Variants in BRWD1 observed in about 807,000 individuals in gnomAD.
BRWD1 encodes bromodomain and WD repeat domain containing 1, also known as bromodomain and WD repeat-containing protein 1.
A neutral mutation model predicts 251.2 loss-of-function variants in BRWD1; 82 were observed. That is an observed-to-expected ratio of 0.33 (90% confidence interval 0.27 to 0.39). The LOEUF is 0.39. Among genes scored for constraint, BRWD1 ranks in the 10% least tolerant of loss-of-function variants. The pLI is 1.00. For synonymous variants in BRWD1, 918 were observed against 902.8 expected (o/e 1.02, Z -0.30); for missense variants, 2,233 against 2,711.6 (o/e 0.82, Z 3.92).
Position 39,187,227 on chromosome 21 carries a change from T to C in BRWD1, c.*9032A>G, listed in dbSNP as rs771496999. The stretch of plus-strand genomic sequence containing the variant: ...TCTTCCTAATCCAGACATTTTCTGG[T>C]CCTGAGATCGTTTCTTTTAGATTAC... On this transcript the variant is annotated 3_prime_UTR_variant, in exon 41 of 41. Coordinates refer to ENST00000342449, the MANE Select transcript of BRWD1 (RefSeq NM_033656.4). 6.2e-7 allele frequency: 1 copy of C among 1,613,646 alleles called. No individual in the cohort carries two copies. Among genetic ancestry groups the C allele is most frequent in the South Asian group, 1.1e-5 (1 of 90,900 alleles).
Position 39,225,201 on chromosome 21 carries a change from G to C in BRWD1, c.3209-4C>G. 1 of 1,590,936 alleles carries C rather than the reference G, an allele frequency of 6.3e-7. No homozygotes were observed. Among genetic ancestry groups the C allele is most frequent in the African/African-American group, 1.3e-5 (1 of 74,478 alleles). On this transcript the variant is annotated splice_region_variant and splice_polypyrimidine_tract_variant and intron_variant, in intron 27 of 40. Coordinates refer to ENST00000342449, the MANE Select transcript of BRWD1 (RefSeq NM_033656.4). ...ATAATAGAGCGGAATCTGTCACCTA[G>C]GAGAGAAATGATCAAGTCTGAGGCA...
intron 7 of BRWD1, 56 bp downstream of exon 7, chr21:39,295,687 G>C (rs1047070898): frequency 7.6e-7 from 1 of 1,318,416 alleles, no homozygotes; most frequent in Non-Finnish European, 1.0e-6. Flanking sequence ...AGATGATTCT[G>C]AAGCACACTA....
intron 4 of BRWD1, among the ~76,000 whole-genome samples, chr21:39,300,698 G>A (rs2036086298): frequency 6.6e-6 from 1 of 152,126 alleles, no homozygotes. Context: ...AAAAAATGAT[G>A]AGATACACAA....
intron 4 of BRWD1, among the ~76,000 whole-genome samples, chr21:39,307,436 ATATGTATATATTT>A (rs1252694443): frequency 1.3e-5 from 2 of 152,162 alleles, no homozygotes; most frequent in Middle Eastern, 3.4e-3. Context: ...TCAATGTATT[ATATGTATATATTT>A]TATGTATATA....
chr21:39,317,453 T>C (rs115823899), upstream of BRWD1, among the ~76,000 whole-genome samples: 553 of 152,356 alleles, frequency 3.6e-3, 7 homozygotes, highest in African/African-American at 0.013. Context: ...TTAGATGTCA[T>C]TGATAGGCTC....
chr21:39,285,992 A>G (rs1007398906), intron 8 of BRWD1, among the ~76,000 whole-genome samples: 6 of 150,650 alleles, frequency 4.0e-5, no homozygotes, highest in Admixed American at 6.6e-5. Context: ...AAAAATTCAC[A>G]TAACATAAAA....
chr21:39,314,180 G>A, upstream of BRWD1: 2 of 455,954 alleles, frequency 4.4e-6, no homozygotes. Context: ...GGATTGGCTC[G>A]CCGCGCCTCC....
At chr21:39,261,055 T>C (rs1300943959) in intron 17 of BRWD1, among the ~76,000 whole-genome samples, 1 of 152,124 alleles carries the variant, frequency 6.6e-6, no homozygotes, top group Non-Finnish European at 1.5e-5. Context: ...TGAAACTTCA[T>C]CTGTACTAAA....
chr21:39,209,440 A>G (rs2032559189), intron 36 of BRWD1, among the ~76,000 whole-genome samples: 1 of 151,606 alleles, frequency 6.6e-6, no homozygotes, highest in Admixed American at 6.6e-5. Flanking sequence ...AGGCTAGAAA[A>G]AAAAAAAAAA....
At chr21:39,274,545 C>A in intron 12 of BRWD1, 73 bp from the exon 13 acceptor site, 19 of 1,182,780 alleles carry the variant, frequency 1.6e-5, no homozygotes, top group Admixed American at 1.3e-4. Flanking sequence ...AAATCACATG[C>A]AAAAAAAGAA....
chr21:39,306,080 T>C (rs2036278451), intron 4 of BRWD1, among the ~76,000 whole-genome samples: 1 of 150,854 alleles, frequency 6.6e-6, no homozygotes, highest in Non-Finnish European at 1.5e-5. Flanking sequence ...ATCTTTTTTT[T>C]TTTTTTTTGA....
chr21:39,216,744 C>G, intron 31 of BRWD1: 1 of 405,996 alleles, frequency 2.5e-6, no homozygotes, highest in South Asian at 2.0e-5. Flanking sequence ...AAAAGTAAAG[C>G]CTGAAGAGAC....
Position 39,218,195 on chromosome 21 carries a change from C to CAT in BRWD1, c.3615_3616insAT (p.Asp1206MetfsTer8). ...AGTCTCATTCGAATTGTGTAAAGAT[C>CAT]GGTTGGATAAGCTACTACAGTACAG... On this transcript the variant is annotated frameshift_variant, in exon 31 of 41. Coordinates refer to ENST00000342449, the MANE Select transcript of BRWD1 (RefSeq NM_033656.4). LOFTEE classifies it high-confidence loss of function. 1 of 1,611,458 alleles carries CAT rather than the reference C, an allele frequency of 6.2e-7. No homozygotes were observed. Among genetic ancestry groups the CAT allele is most frequent in the Non-Finnish European group, 8.5e-7 (1 of 1,179,416 alleles).
intron 18 of BRWD1, among the ~76,000 whole-genome samples, chr21:39,258,218 C>T (rs997919779): frequency 1.3e-5 from 2 of 152,004 alleles, no homozygotes; most frequent in Admixed American, 1.3e-4. Flanking sequence ...ATTTTAAAAA[C>T]CAATCTGTTA....
intron 25 of BRWD1, among the ~76,000 whole-genome samples, chr21:39,230,583 G>T (rs2033573682): frequency 6.6e-6 from 1 of 152,040 alleles, no homozygotes; most frequent in African/African-American, 2.4e-5. Context: ...TTAATATGTT[G>T]TTGATTTGCA....
chr21:39,267,427 C>T (rs2146662144), intron 15 of BRWD1, among the ~76,000 whole-genome samples: 1 of 152,196 alleles, frequency 6.6e-6, no homozygotes, highest in Middle Eastern at 3.4e-3. Flanking sequence ...AACCCCATCT[C>T]TACTAAAAAC....
chr21:39,234,503 G>C (rs2033739466), intron 23 of BRWD1, among the ~76,000 whole-genome samples: 1 of 152,150 alleles, frequency 6.6e-6, no homozygotes, highest in Non-Finnish European at 1.5e-5. Context: ...CAAGACTTAA[G>C]GTACTCTCAA....
intron 26 of BRWD1, 106 bp from the exon 27 acceptor site, chr21:39,228,688 A>G (rs1160324984): frequency 5.7e-5 from 33 of 581,090 alleles, no homozygotes; most frequent in Non-Finnish European, 9.9e-5. Flanking sequence ...GTAATTTTTA[A>G]TTTTCAACCA....
chr21:39,258,507 C>T lies in BRWD1; in HGVS notation c.2051G>A (p.Gly684Asp). ...QDTIPRGLSN[G>D]EETPRRGFRR... ...ATTACCTCTCCGGGGTGTTTCTTCA[C>T]CATTTGAAAGTCCTCTTGGAATAGT... Residue 684 changes from glycine to aspartate, a missense_variant, in exon 18 of 41, where the codon GGT becomes GAT. Transcript: ENST00000342449. 1.9e-6 allele frequency: 3 copies of T among 1,599,658 alleles called. No homozygotes were observed. In the South Asian group the frequency reaches 3.4e-5, roughly 18 times the overall value.
Sources: allele counts gnomAD v4.1 joint callset (sites outside exome capture counted in the v4.1 genomes callset), GRCh38; gene constraint gnomAD v4.1.1; transcripts MANE v1.5; gene names NCBI Gene and HGNC (gene_info 2026-07-23, HGNC 2026-07-21).